Variants in APOBEC3H observed in about 807,000 individuals in gnomAD.
The protein encoded by APOBEC3H is DNA dC->dU-editing enzyme APOBEC-3H.
APOBEC3H carries 8 observed loss-of-function variants against 21.2 expected under a neutral mutation model. That is an observed-to-expected ratio of 0.38 (90% CI 0.22 to 0.68). APOBEC3H has a LOEUF of 0.68. APOBEC3H is among the 30% of genes least tolerant of loss of function. The pLI is 0.52. For missense variants in APOBEC3H, 229 were observed against 228.1 expected, an observed-to-expected ratio of 1.00 and a Z score of -0.03; for synonymous variants, 88 against 91.0, an observed-to-expected ratio of 0.97 and a Z score of 0.19.
Position 39,100,332 on chromosome 22 carries a change from C to T in APOBEC3H, c.54C>T (p.Arg18=), listed in dbSNP as rs762492011. 6 of 1,614,112 alleles carry T rather than the reference C, an allele frequency of 3.7e-6. No individual in the cohort carries two copies. Among genetic ancestry groups the T allele is most frequent in the Non-Finnish European group, 4.2e-6 (5 of 1,179,984 alleles). The change falls in exon 2 of 5, where the codon CGC becomes CGT. Residue 18 remains arginine, a synonymous_variant. Transcript: ENST00000442487. Reference sequence around the variant, plus strand: ...GCTTACAGTTTAACAACAAGCGCCGCCTCAGAAGGCCTTACTACCCGAGGA... The same window carrying T: ...GCTTACAGTTTAACAACAAGCGCCGTCTCAGAAGGCCTTACTACCCGAGGA... The part of the protein sequence containing the change: ...TFRLQFNNKR[R]LRRPYYPRKA...
chr22:39,103,101 A>C (rs922177431), intron 4 of APOBEC3H, among the ~76,000 whole-genome samples: 1 of 152,176 alleles, frequency 6.6e-6, no homozygotes, highest in East Asian at 1.9e-4. Flanking sequence ...CAGCCTGGGC[A>C]ACATGGCAAA....
chr22:39,101,573 G>A lies in APOBEC3H; in HGVS notation c.418+69G>A, dbSNP rs1305124665. 2.0e-5 allele frequency: 16 copies of A among 814,114 alleles called. No individual in the cohort carries two copies. In the South Asian group the frequency reaches 2.2e-4, roughly 11 times the overall value. The allele number at this position is 814,114 out of a possible 1,614,324, so 50.4% of individuals were successfully genotyped here. A position where few individuals can be genotyped will look rare whatever the true frequency, so the allele number is the denominator to read the frequency against. On this transcript the variant is annotated intron_variant, in intron 3 of 4. Coordinates refer to ENST00000442487, the MANE Select transcript of APOBEC3H (RefSeq NM_181773.5). ...GGCACAGGCTTGGCAGGGGCTGGGG[G>A]TTGGGGGTTGGGGGTTGGAGGAGGT...
intron 2 of APOBEC3H, 23 bp downstream of exon 2, chr22:39,100,451 A>C (rs1314932206): frequency 6.2e-7 from 1 of 1,610,412 alleles, no homozygotes; most frequent in Non-Finnish European, 8.5e-7. Context: ...CTCTCTGGGC[A>C]CAGGGCCGGC....
chr22:39,100,439 G>A lies in APOBEC3H; in HGVS notation c.150+11G>A, dbSNP rs1394319044. ...TACTTTGAAAACAAGGTGCCACACG[G>A]GCTCTCTGGGCACAGGGCCGGCAGG... On this transcript the variant is annotated intron_variant, in intron 2 of 4. Coordinates refer to ENST00000442487, the MANE Select transcript of APOBEC3H (RefSeq NM_181773.5). 1 of 1,611,690 alleles carries A rather than the reference G, an allele frequency of 6.2e-7. No individual in the cohort carries two copies. Among genetic ancestry groups the A allele is most frequent in the Non-Finnish European group, 8.5e-7 (1 of 1,178,496 alleles).
chr22:39,101,135 T>TGG, intron 2 of APOBEC3H, 102 bp from the exon 3 acceptor site: 1 of 406,220 alleles, frequency 2.5e-6, no homozygotes, highest in Non-Finnish European at 4.6e-6. Flanking sequence ...CAGACCCCTC[T>TGG]GCCCCCCCAT....
At chr22:39,103,653 A>G (rs1222385421) in intron 4 of APOBEC3H, 36 bp from the exon 5 acceptor site, 2 of 1,609,270 alleles carry the variant, frequency 1.2e-6, no homozygotes, top group Non-Finnish European at 1.7e-6. Flanking sequence ...GTGTCCCACC[A>G]GTTGGTACCT....
At chr22:39,100,219 TGACTCAAGAG>T in intron 1 of APOBEC3H, 43 bp from the exon 2 acceptor site, 1 of 1,563,286 alleles carries the variant, frequency 6.4e-7, no homozygotes, top group Admixed American at 1.8e-5. Flanking sequence ...GAGCCTGGGG[TGACTCAAGAG>T]GACGCTCCCT....
At chr22:39,097,786 G>A (rs1031458746) in intron 1 of APOBEC3H, among the ~76,000 whole-genome samples, 3 of 152,132 alleles carry the variant, frequency 2.0e-5, no homozygotes, top group African/African-American at 7.2e-5. Context: ...AGAGGGTGTG[G>A]GGAGGCAATG....
At chr22:39,100,754 G>A (rs770113226) in intron 2 of APOBEC3H, among the ~76,000 whole-genome samples, 6 of 152,120 alleles carry the variant, frequency 3.9e-5, no homozygotes, top group Admixed American at 2.6e-4. Context: ...GCCGTGCCAC[G>A]GTCCGAGTGC....
At position 39,104,063 on chromosome 22, in the gene APOBEC3H, A is replaced by G. The variant is rs1296099063; in HGVS notation, c.*366A>G. On this transcript the variant is annotated 3_prime_UTR_variant, in exon 5 of 5. Coordinates refer to ENST00000442487, the MANE Select transcript of APOBEC3H (RefSeq NM_181773.5). ...CTCGGCCAATAAATTTCTATTGTTT[A>G]TGAATCACCCAGTCTGTGGTATTTT... 1.3e-5 allele frequency: 4 copies of G among 315,670 alleles called. No individual in the cohort carries two copies. 19.6% of individuals were successfully genotyped at this position (315,670 alleles called of 1,614,324 possible).
chr22:39,101,474 C>G lies in APOBEC3H; in HGVS notation c.388C>G (p.Gln130Glu). The G allele has an allele frequency of 6.2e-7, 1 of 1,610,418 alleles. No individual in the cohort carries two copies. The highest frequency in any genetic ancestry group is 8.5e-7 in the Non-Finnish European group (1 of 1,179,390). The change falls in exon 3 of 5, where the codon CAG becomes GAG. Residue 130 changes from glutamine (Q) to glutamate (E), a missense_variant. Coordinates refer to ENST00000442487, the MANE Select transcript of APOBEC3H (RefSeq NM_181773.5). ...QKGLRLLCGS[Q>E]VPVEVMGFPE... ...GGGGCTGCGGCTTCTGTGTGGATCC[C>G]AGGTCCCGGTGGAGGTCATGGGCTT... is the stretch of plus-strand genomic sequence containing the variant.
intron 3 of APOBEC3H, 132 bp from the exon 4 acceptor site, chr22:39,101,786 C>G: frequency 7.0e-7 from 1 of 1,427,346 alleles, no homozygotes; most frequent in Admixed American, 1.9e-5. Flanking sequence ...TCTGACACCA[C>G]CCGGGAGGGA....
In APOBEC3H at chr22:39,103,784, T is replaced by C; in HGVS notation, c.*87T>C. The C allele has an allele frequency of 2.0e-6, 3 of 1,537,066 alleles. No homozygotes were observed. The highest frequency in any genetic ancestry group is 2.2e-5 in the East Asian group (1 of 44,554). On this transcript the variant is annotated 3_prime_UTR_variant, in exon 5 of 5. Transcript: ENST00000442487. The stretch of plus-strand genomic sequence containing the variant: ...TATCAAGAAGCAACTCAAGATGACT[T>C]TCCCTGGGGCATGTCAGTTGCCTCA...
At chr22:39,099,842 C>T (rs1929196346) in intron 1 of APOBEC3H, among the ~76,000 whole-genome samples, 2 of 152,144 alleles carry the variant, frequency 1.3e-5, no homozygotes, top group African/African-American at 4.8e-5. Flanking sequence ...AAGGGGAGAC[C>T]CTCCCTCACC....
At chr22:39,101,603 GGGGGGC>G (rs1231616949) in intron 3 of APOBEC3H, 99 bp downstream of exon 3, 2 of 384,204 alleles carry the variant, frequency 5.2e-6, no homozygotes, top group Admixed American at 4.4e-5. Flanking sequence ...GGAGGTTGGC[GGGGGGC>G]GGGGGCGGGT....
At chr22:39,100,479 G>C in intron 2 of APOBEC3H, 51 bp downstream of exon 2, 1 of 1,581,652 alleles carries the variant, frequency 6.3e-7, no homozygotes, top group Non-Finnish European at 8.6e-7. Context: ...AACCCCATCT[G>C]ATGTGTGCAG....
chr22:39,098,045 G>T (rs556924097), intron 1 of APOBEC3H, among the ~76,000 whole-genome samples: 13 of 152,366 alleles, frequency 8.5e-5, no homozygotes, highest in Admixed American at 8.5e-4. Flanking sequence ...GTGATGCAGA[G>T]GCTGGCAGGG....
rs767346992 is a variant in APOBEC3H at position 39,100,306 on chromosome 22, C to T, written c.28C>T (p.Arg10Cys). MALLTAETF[R>C]LQFNNKRRLR... is the part of the protein sequence containing the mutation. Reference sequence around the variant, plus strand: ...GGCTCTGTTAACAGCCGAAACATTCCGCTTACAGTTTAACAACAAGCGCCG... The same window carrying T: ...GGCTCTGTTAACAGCCGAAACATTCTGCTTACAGTTTAACAACAAGCGCCG... The change falls in exon 2 of 5, where the codon CGC becomes TGC. Residue 10 changes from arginine (R) to cysteine (C), a missense_variant. Arg to Cys is a radical substitution (Grantham distance 180, BLOSUM62 -3). Transcript: ENST00000442487. 1.3e-5 allele frequency: 21 copies of T among 1,605,272 alleles called. No individual in the cohort carries two copies. The highest frequency in any genetic ancestry group is 8.8e-5 in the South Asian group (8 of 90,480).
At position 39,100,293 on chromosome 22, in the gene APOBEC3H, A is replaced by G; in HGVS notation, c.15A>G (p.Thr5=). 1 of 1,612,896 alleles carries G rather than the reference A, an allele frequency of 6.2e-7. No homozygotes were observed. The highest frequency in any genetic ancestry group is 8.5e-7 in the Non-Finnish European group (1 of 1,179,346). Residue 5 remains threonine, a synonymous_variant, in exon 2 of 5, where the codon ACA becomes ACG. Coordinates refer to ENST00000442487, the MANE Select transcript of APOBEC3H (RefSeq NM_181773.5). The stretch of plus-strand genomic sequence containing the variant: ...ACAGAAACACGATGGCTCTGTTAAC[A>G]GCCGAAACATTCCGCTTACAGTTTA... MALL[T]AETFRLQFNN...
Sources: allele counts gnomAD v4.1 joint callset (sites outside exome capture counted in the v4.1 genomes callset), GRCh38; gene constraint gnomAD v4.1.1; transcripts MANE v1.5; gene names NCBI Gene and HGNC (gene_info 2026-07-23, HGNC 2026-07-21).